Variants in NOVA1 observed in about 807,000 individuals in gnomAD.
NOVA1 encodes RNA-binding protein Nova-1.
Under a neutral mutation model 38.0 loss-of-function variants are expected in NOVA1, and 7 were observed. The ratio of observed to expected loss-of-function variants is 0.18; its 90% CI spans 0.10 to 0.35. NOVA1 has a LOEUF of 0.35. NOVA1 is among the 10% of genes least tolerant of loss of function. NOVA1 has a pLI of 1.00. For missense variants in NOVA1, 460 were observed against 616.0 expected (o/e 0.75, Z 2.68); for synonymous variants, 270 against 232.5 (o/e 1.16, Z -1.47).
chr14:26,472,355 G>C lies in NOVA1; in HGVS notation c.484C>G (p.Pro162Ala). The C allele has an allele frequency of 6.3e-7, 1 of 1,579,262 alleles. No homozygotes were observed. The highest frequency in any genetic ancestry group is 8.6e-7 in the Non-Finnish European group (1 of 1,159,926). The change falls in exon 4 of 5, where the codon CCA (proline) becomes GCA (alanine). Residue 162 changes from proline to alanine, a missense_variant. By Grantham distance (27) the Pro-to-Ala change is conservative. Transcript: ENST00000539517. ...CTGGAGGTGGTCATGGGATCAGATGGAGAGGACTTGGTGGTAGTTGGGGAA... is the reference window on the plus strand; with the variant it reads ...CTGGAGGTGGTCATGGGATCAGATGCAGAGGACTTGGTGGTAGTTGGGGAA... ...PSSPTTTKSS[P>A]SDPMTTSRAN...
Position 26,479,960 on chromosome 14 carries a change from C to A in NOVA1, c.447+17G>T, listed in dbSNP as rs377378499. 1 of 1,609,640 alleles carries A rather than the reference C, an allele frequency of 6.2e-7. No homozygotes were observed. ...TGCTGTGGATATTTCTCTTTGATTT[C>A]TCAACTAAACACTCACTTGTTTGAT... is the stretch of plus-strand genomic sequence containing the variant. On this transcript the variant is annotated intron_variant, in intron 3 of 4. Coordinates refer to ENST00000539517, the MANE Select transcript of NOVA1 (RefSeq NM_002515.3).
At chr14:26,539,161 C>T (rs1594494505) in intron 2 of NOVA1, among the ~76,000 whole-genome samples, 1 of 152,096 alleles carries the variant, frequency 6.6e-6, no homozygotes, top group African/African-American at 2.4e-5. Flanking sequence ...ACAAACTCCA[C>T]GAACATAGAG....
At chr14:26,487,474 A>G (rs1488779830) in intron 2 of NOVA1, among the ~76,000 whole-genome samples, 1 of 152,094 alleles carries the variant, frequency 6.6e-6, no homozygotes, top group Non-Finnish European at 1.5e-5. Context: ...TAATTGATTG[A>G]CACACATAAA....
At chr14:26,593,399 T>A (rs1002620207) in intron 2 of NOVA1, 1 of 151,916 alleles carries the variant, frequency 6.6e-6, no homozygotes, top group Non-Finnish European at 1.5e-5. Context: ...CAGGTAATAA[T>A]CCAGTTAAAA....
chr14:26,524,799 T>A (rs1765489468), intron 2 of NOVA1, among the ~76,000 whole-genome samples: 1 of 152,178 alleles, frequency 6.6e-6, no homozygotes, highest in Non-Finnish European at 1.5e-5. Flanking sequence ...AGTAATCACT[T>A]CATAAAAGGT....
At chr14:26,459,083 A>C (rs1041879077) in intron 4 of NOVA1, among the ~76,000 whole-genome samples, 3 of 152,012 alleles carry the variant, frequency 2.0e-5, no homozygotes, top group Non-Finnish European at 2.9e-5. Flanking sequence ...CTTCACATTC[A>C]CTCACTACTG....
At chr14:26,505,071 T>C (rs1370355850) in intron 2 of NOVA1, among the ~76,000 whole-genome samples, 1 of 152,078 alleles carries the variant, frequency 6.6e-6, no homozygotes, top group Non-Finnish European at 1.5e-5. Context: ...GAGAGGCCTG[T>C]AGTAAATCAC....
intron 2 of NOVA1, among the ~76,000 whole-genome samples, chr14:26,505,546 C>T (rs1887583621): frequency 6.6e-6 from 1 of 152,144 alleles, no homozygotes; most frequent in African/African-American, 2.4e-5. Flanking sequence ...ATTACCCAGT[C>T]TCAGGTAGTT....
At chr14:26,550,746 A>C (rs1003050212) in intron 2 of NOVA1, among the ~76,000 whole-genome samples, 1 of 152,114 alleles carries the variant, frequency 6.6e-6, no homozygotes, top group African/African-American at 2.4e-5. Flanking sequence ...TCTTTCTGAA[A>C]CAGACTGAGG....
At chr14:26,586,092 T>A (rs906166848) in intron 2 of NOVA1, among the ~76,000 whole-genome samples, 1 of 151,340 alleles carries the variant, frequency 6.6e-6, no homozygotes, top group Non-Finnish European at 1.5e-5. Context: ...GCAAGAAGGA[T>A]GCCATAAATT....
At chr14:26,467,313 A>G (rs1389783530) in intron 4 of NOVA1, among the ~76,000 whole-genome samples, 1 of 152,242 alleles carries the variant, frequency 6.6e-6, no homozygotes, top group Non-Finnish European at 1.5e-5. Context: ...AGATAAAGTA[A>G]TATGTAGACT....
chr14:26,449,884 G>A (rs1023300758), intron 4 of NOVA1, among the ~76,000 whole-genome samples: 1 of 151,754 alleles, frequency 6.6e-6, no homozygotes, highest in Non-Finnish European at 1.5e-5. Context: ...GAAACATCCA[G>A]CCACAAAAAT....
intron 4 of NOVA1, chr14:26,470,367 G>A: frequency 6.7e-7 from 1 of 1,497,206 alleles, no homozygotes; most frequent in Non-Finnish European, 9.2e-7. Context: ...CTGTTGGGGA[G>A]AAAATAATTA....
chr14:26,515,575 C>T (rs1460474136), intron 2 of NOVA1, among the ~76,000 whole-genome samples: 1 of 151,874 alleles, frequency 6.6e-6, no homozygotes, highest in Non-Finnish European at 1.5e-5. Context: ...TTTTAACTTA[C>T]AAAACTTATC....
intron 2 of NOVA1, among the ~76,000 whole-genome samples, chr14:26,504,353 A>C (rs547975269): frequency 1.1e-4 from 16 of 152,324 alleles, no homozygotes; most frequent in African/African-American, 3.1e-4. Context: ...CACTTTTAAT[A>C]TGTAAATATA....
chr14:26,523,256 T>C (rs1278502760), intron 2 of NOVA1, among the ~76,000 whole-genome samples: 2 of 152,242 alleles, frequency 1.3e-5, no homozygotes, highest in African/African-American at 2.4e-5. Context: ...TGACCATTGC[T>C]TTCTCGTGTG....
chr14:26,583,626 A>C (rs1398496479), intron 2 of NOVA1, among the ~76,000 whole-genome samples: 2 of 151,490 alleles, frequency 1.3e-5, no homozygotes, highest in African/African-American at 4.8e-5. Context: ...TTCTAAATGA[A>C]AAAACAGTAT....
At chr14:26,568,972 G>T (rs1305545726) in intron 2 of NOVA1, among the ~76,000 whole-genome samples, 1 of 152,054 alleles carries the variant, frequency 6.6e-6, no homozygotes, top group African/African-American at 2.4e-5. Context: ...CTCAAGCCAA[G>T]AATTTAGATT....
chr14:26,566,982 C>T (rs922204909), intron 2 of NOVA1, among the ~76,000 whole-genome samples: 1 of 152,090 alleles, frequency 6.6e-6, no homozygotes, highest in African/African-American at 2.4e-5. Context: ...TTCAAAACTA[C>T]TTGGAAATAC....
Sources: allele counts gnomAD v4.1 joint callset (sites outside exome capture counted in the v4.1 genomes callset), GRCh38; gene constraint gnomAD v4.1.1; transcripts MANE v1.5; gene names NCBI Gene and HGNC (gene_info 2026-07-23, HGNC 2026-07-21).